C10orf143: variants seen among roughly 807,000 people sequenced by gnomAD.
The protein encoded by C10orf143 is uncharacterized protein C10orf143.
intron 1 of C10orf143, chr10:130,107,372 A>G (rs768632962): frequency 2.7e-6 from 3 of 1,092,864 alleles, no homozygotes; most frequent in Admixed American, 3.4e-5. Context: ...ATTGGAGAGA[A>G]CTATTCATTA....
intron 1 of C10orf143, among the ~76,000 whole-genome samples, chr10:130,092,732 G>A (rs1861401157): frequency 6.6e-6 from 1 of 152,058 alleles, no homozygotes; most frequent in Admixed American, 6.6e-5. Context: ...TATTTACCAA[G>A]CAAACGGAAA....
chr10:130,058,804 A>G (rs1382748106), intron 3 of C10orf143, among the ~76,000 whole-genome samples: 2 of 152,124 alleles, frequency 1.3e-5, no homozygotes, highest in Non-Finnish European at 2.9e-5. Flanking sequence ...GACCCCATCA[A>G]CACTTTATGT....
intron 3 of C10orf143, among the ~76,000 whole-genome samples, chr10:130,048,564 G>C (rs1182620788): frequency 6.6e-6 from 1 of 152,166 alleles, no homozygotes; most frequent in Admixed American, 6.5e-5. Context: ...GGAGCCCAAA[G>C]AATTGAGACG....
At chr10:130,110,601 C>T (rs1361210040) in intron 1 of C10orf143, 103 bp downstream of exon 1, 19 of 397,968 alleles carry the variant, frequency 4.8e-5, no homozygotes, top group Admixed American at 4.4e-5. Flanking sequence ...TGGGCCAGGC[C>T]TCCTCACAGG....
chr10:130,092,016 C>G (rs1343194761), intron 1 of C10orf143, among the ~76,000 whole-genome samples: 2 of 152,122 alleles, frequency 1.3e-5, no homozygotes, highest in Non-Finnish European at 2.9e-5. Context: ...GAAAAACTTA[C>G]CCAACCTAGC....
Position 130,056,812 on chromosome 10 carries a change from C to G in C10orf143, c.298-20842G>C, listed in dbSNP as rs780812561. Among the ~76,000 whole-genome samples, 1 of 152,098 alleles carries G rather than the reference C, an allele frequency of 6.6e-6. No homozygotes were observed. The highest frequency in any genetic ancestry group is 2.4e-5 in the African/African-American group (1 of 41,424). On this transcript the variant is annotated intron_variant and NMD_transcript_variant, in intron 3 of 5. Transcript: ENST00000643056. This position sits in a 1 kb window ranked among gnomAD's most constrained non-coding sequence, Gnocchi z 4.6. Reference sequence around the variant, plus strand: ...TTCACCATGTTAGCCAAGATGGTCTCGATCTCCTGACCTCATGATCCGCCT... The same window carrying G: ...TTCACCATGTTAGCCAAGATGGTCTGGATCTCCTGACCTCATGATCCGCCT...
intron 1 of C10orf143, among the ~76,000 whole-genome samples, chr10:130,099,584 T>C (rs1861514968): frequency 6.6e-6 from 1 of 152,008 alleles, no homozygotes; most frequent in African/African-American, 2.4e-5. Context: ...TCGCCCAGGC[T>C]AGAGTGCAGA....
At chr10:130,052,324 G>A (rs1462827417) in intron 3 of C10orf143, among the ~76,000 whole-genome samples, 3 of 152,038 alleles carry the variant, frequency 2.0e-5, no homozygotes, top group Non-Finnish European at 4.4e-5. Flanking sequence ...GTCACCCCTG[G>A]GCCACCCAAT....
chr10:130,108,378 G>C, intron 1 of C10orf143: 1 of 1,127,744 alleles, frequency 8.9e-7, no homozygotes, highest in Non-Finnish European at 1.4e-6. Flanking sequence ...GAAGGTAGAA[G>C]TGAGTTCCCT....
intron 3 of C10orf143, among the ~76,000 whole-genome samples, chr10:130,069,463 C>T (rs1248249945): frequency 6.6e-6 from 1 of 152,230 alleles, no homozygotes; most frequent in Non-Finnish European, 1.5e-5. Context: ...TAGTAACTTA[C>T]ATCCTCACGC....
At chr10:130,072,390 G>C (rs533170452) in intron 3 of C10orf143, among the ~76,000 whole-genome samples, 9 of 152,060 alleles carry the variant, frequency 5.9e-5, no homozygotes, top group African/African-American at 2.2e-4. Context: ...TTTCCTAATG[G>C]GCATTCTCAT....
intron 1 of C10orf143, among the ~76,000 whole-genome samples, chr10:130,095,205 G>A (rs566836506): frequency 6.8e-6 from 1 of 147,302 alleles, no homozygotes; most frequent in African/African-American, 2.7e-5. Flanking sequence ...GCTACAAAGA[G>A]AATAAAATAC....
chr10:130,096,541 C>T (rs532592102), intron 1 of C10orf143, among the ~76,000 whole-genome samples: 1 of 137,390 alleles, frequency 7.3e-6, no homozygotes, highest in Non-Finnish European at 1.6e-5. Context: ...GGAACCAACC[C>T]AAATGCCCAT....
At chr10:130,106,844 C>T in intron 1 of C10orf143, 1 of 1,149,644 alleles carries the variant, frequency 8.7e-7, no homozygotes, top group Non-Finnish European at 1.3e-6. Flanking sequence ...CATCAAGACT[C>T]TGACTGAACA....
At chr10:130,078,517 C>T (rs1861156430) in intron 3 of C10orf143, among the ~76,000 whole-genome samples, 1 of 152,138 alleles carries the variant, frequency 6.6e-6, no homozygotes, top group African/African-American at 2.4e-5. Context: ...CAGAATTACA[C>T]CATAGAATGC....
intron 1 of C10orf143, among the ~76,000 whole-genome samples, chr10:130,100,081 C>T (rs1298111226): frequency 1.3e-5 from 2 of 151,640 alleles, no homozygotes; most frequent in African/African-American, 4.8e-5. Flanking sequence ...TGTGATCCAC[C>T]CAACACAGCC....
intron 1 of C10orf143, among the ~76,000 whole-genome samples, chr10:130,101,413 G>T (rs1861548176): frequency 6.6e-6 from 1 of 151,964 alleles, no homozygotes. Flanking sequence ...CAAGAGACAC[G>T]TTCAACACTG....
chr10:130,055,952 TA>T (rs369284797), intron 3 of C10orf143, among the ~76,000 whole-genome samples: 4,723 of 65,794 alleles, frequency 0.072, 69 homozygotes, highest in Middle Eastern at 0.12. Context: ...TCTCCAAAAG[TA>T]AAAAAAAAAA....
chr10:130,041,448 C>T (rs1860605849), intron 3 of C10orf143, among the ~76,000 whole-genome samples: 1 of 152,222 alleles, frequency 6.6e-6, no homozygotes. Flanking sequence ...ATGATTGAAA[C>T]TCTTTTTTCA....
Sources: gnomAD v4.1 joint callset for allele counts (sites outside exome capture counted in the v4.1 genomes callset) on GRCh38, gnomAD v4.1.1 for gene constraint, Gnocchi (gnomAD v3.1) non-coding constraint, MANE v1.5 for transcripts, NCBI Gene and HGNC (gene_info 2026-07-23, HGNC 2026-07-21) for gene names.